NALCN: variants seen among roughly 807,000 people sequenced by gnomAD.
NALCN encodes the protein sodium leak channel, non-selective, also known as sodium leak channel NALCN.
A neutral mutation model predicts 225.3 loss-of-function variants in NALCN; 111 were observed. The observed-to-expected ratio is 0.49, with a 90% CI of 0.42 to 0.58. The LOEUF is 0.58. NALCN is among the 20% of genes least tolerant of loss of function. The pLI, the probability that NALCN is intolerant of heterozygous loss-of-function variation, is 0.00. For synonymous variants in NALCN, 764 were observed against 769.0 expected, an observed-to-expected ratio of 0.99 and a Z score of 0.11; for missense variants, 1,378 against 2,202.4, an observed-to-expected ratio of 0.63 and a Z score of 7.49.
chr13:101,294,936 A>T (rs1279566445), intron 7 of NALCN, among the ~76,000 whole-genome samples: 1 of 152,164 alleles, frequency 6.6e-6, no homozygotes, highest in Non-Finnish European at 1.5e-5. Flanking sequence ...AATCCATAGA[A>T]ACAGGACGTG....
chr13:101,399,922 T>C (rs1375155587), intron 1 of NALCN, among the ~76,000 whole-genome samples: 6 of 152,194 alleles, frequency 3.9e-5, no homozygotes, highest in African/African-American at 1.4e-4. Flanking sequence ...GGCTATTATA[T>C]GTCAGCCCTC....
At chr13:101,360,808 C>T (rs1263371254) in intron 6 of NALCN, among the ~76,000 whole-genome samples, 1 of 152,180 alleles carries the variant, frequency 6.6e-6, no homozygotes, top group African/African-American at 2.4e-5. Flanking sequence ...CTAATTACCT[C>T]TGGTGCTCCT....
intron 37 of NALCN, among the ~76,000 whole-genome samples, chr13:101,072,529 C>T (rs1291495361): frequency 1.3e-5 from 2 of 152,122 alleles, no homozygotes; most frequent in Admixed American, 6.6e-5. Flanking sequence ...TTCTATAATC[C>T]CAGCATTCTG....
chr13:101,191,603 G>C (rs571534108), intron 14 of NALCN, among the ~76,000 whole-genome samples: 1 of 152,282 alleles, frequency 6.6e-6, no homozygotes, highest in South Asian at 2.1e-4. Context: ...GTTCCGGTTT[G>C]ATCCTGAGAT....
At chr13:101,276,357 A>G (rs2042973763) in intron 10 of NALCN, among the ~76,000 whole-genome samples, 4 of 152,188 alleles carry the variant, frequency 2.6e-5, no homozygotes, top group Admixed American at 2.6e-4. Context: ...AATGTCCTAG[A>G]CAAATTAATA....
At chr13:101,329,638 T>C (rs4771392) in intron 7 of NALCN, among the ~76,000 whole-genome samples, 42,523 of 152,130 alleles carry the variant, frequency 0.28, 6,298 homozygotes, top group Non-Finnish European at 0.33. Context: ...GCTTAATTAA[T>C]AAAATGCATT....
intron 17 of NALCN, among the ~76,000 whole-genome samples, chr13:101,128,660 C>T (rs1178810279): frequency 3.3e-5 from 5 of 151,940 alleles, no homozygotes; most frequent in African/African-American, 9.7e-5. Flanking sequence ...TGGGCTGAAT[C>T]GATCCTCCTG....
chr13:101,184,753 A>G (rs1188340742), intron 14 of NALCN, among the ~76,000 whole-genome samples: 1 of 152,166 alleles, frequency 6.6e-6, no homozygotes, highest in African/African-American at 2.4e-5. Context: ...GTCATTCACA[A>G]TGGATTTTCT....
intron 3 of NALCN, among the ~76,000 whole-genome samples, chr13:101,394,238 C>G (rs1327204109): frequency 6.6e-6 from 1 of 152,156 alleles, no homozygotes; most frequent in Non-Finnish European, 1.5e-5. Flanking sequence ...AATGCATTGT[C>G]TGTGATCTCT....
intron 1 of NALCN, among the ~76,000 whole-genome samples, chr13:101,410,067 C>G (rs2047736040): frequency 6.6e-6 from 1 of 152,166 alleles, no homozygotes; most frequent in African/African-American, 2.4e-5. Flanking sequence ...TCAGCCAGCA[C>G]CTTGATCTTG....
rs980938563 is a variant in NALCN at position 101,089,515 on chromosome 13, G to A, written c.3489+148C>T. 6.7e-5 allele frequency: 44 copies of A among 655,050 alleles called. No homozygotes were observed. Among genetic ancestry groups the A allele is most frequent in the Non-Finnish European group, 1.0e-4 (39 of 385,290 alleles). The allele number at this position is 655,050 out of a possible 1,614,324, so 40.6% of individuals were successfully genotyped here. On this transcript the variant is annotated intron_variant, in intron 30 of 43. Coordinates refer to ENST00000251127, the MANE Select transcript of NALCN (RefSeq NM_052867.4). The surrounding 1 kb of genome is among the most constrained non-coding windows in gnomAD (Gnocchi z 4.7). ...ATGTGTCTGAAAAGCAGCAATGAGGGAGCTTGTAAAACAGTTATAGAGATT... is the reference window on the plus strand; with the variant it reads ...ATGTGTCTGAAAAGCAGCAATGAGGAAGCTTGTAAAACAGTTATAGAGATT...
At position 101,107,519 on chromosome 13, in the gene NALCN, A is replaced by T. The variant is rs2035192607; in HGVS notation, c.2547T>A (p.Phe849Leu). The change falls in exon 22 of 44, where the codon TTT (phenylalanine) becomes TTA (leucine). Residue 849 changes from phenylalanine (F) to leucine (L), a missense_variant. Around this residue, in one of 19 missense-constraint regions of NALCN, gnomAD observed 292 missense variants for 409.5 expected, o/e 0.71. Coordinates refer to ENST00000251127, the MANE Select transcript of NALCN (RefSeq NM_052867.4). ...AGCGTGCTCGGACCACCACCCGGCAAAAGTTTCTGAACCTGTGTTCTCGCC... is the reference window on the plus strand; with the variant it reads ...AGCGTGCTCGGACCACCACCCGGCATAAGTTTCTGAACCTGTGTTCTCGCC... ...IVGREHRFRNFCRVVVRARFN... is the reference protein window; with the variant it reads ...IVGREHRFRNLCRVVVRARFN... The T allele has an allele frequency of 6.2e-7, 1 of 1,614,042 alleles. No homozygotes were observed. The highest frequency in any genetic ancestry group is 1.3e-5 in the African/African-American group (1 of 74,946).
rs772501894 is a variant in NALCN at position 101,103,187 on chromosome 13, G to A, written c.3042C>T (p.Phe1014=). Reference sequence around the variant, plus strand: ...TCTCACATACCAAAAAAATTTCCTTGAAGCCGCTGAAAAGTTCTCGAACAA... The same window carrying A: ...TCTCACATACCAAAAAAATTTCCTTAAAGCCGCTGAAAAGTTCTCGAACAA... ...RKVVRELFSG[F]KEIFLVSILL... is the part of the protein sequence containing the mutation. The change falls in exon 26 of 44, where the codon TTC becomes TTT. Residue 1014 remains phenylalanine (F), a synonymous_variant. Transcript: ENST00000251127. The A allele has an allele frequency of 6.2e-7, 1 of 1,612,876 alleles. No individual in the cohort carries two copies. The highest frequency in any genetic ancestry group is 1.1e-5 in the South Asian group (1 of 90,810).
At chr13:101,272,605 T>G (rs113529657) in intron 10 of NALCN, among the ~76,000 whole-genome samples, 20 of 152,194 alleles carry the variant, frequency 1.3e-4, no homozygotes, top group African/African-American at 4.6e-4. Flanking sequence ...TCAAAAAATA[T>G]CAAAATACTG....
intron 17 of NALCN, among the ~76,000 whole-genome samples, chr13:101,140,400 A>G (rs1042935043): frequency 6.6e-6 from 1 of 152,156 alleles, no homozygotes; most frequent in South Asian, 2.1e-4. Context: ...CCTTTTAGAG[A>G]GAAAATAAAC....
chr13:101,086,519 C>T (rs1024824977), intron 30 of NALCN, among the ~76,000 whole-genome samples: 5 of 151,816 alleles, frequency 3.3e-5, no homozygotes, highest in African/African-American at 1.2e-4. Context: ...AGAAAACATT[C>T]TTACATTATC....
intron 7 of NALCN, among the ~76,000 whole-genome samples, chr13:101,341,678 A>C (rs2045563721): frequency 1.3e-5 from 2 of 152,170 alleles, no homozygotes; most frequent in African/African-American, 4.8e-5. Flanking sequence ...TCATCTTTGA[A>C]ATAAATTTTT....
At chr13:101,161,596 G>GT (rs2038186454) in intron 15 of NALCN, among the ~76,000 whole-genome samples, 1 of 152,216 alleles carries the variant, frequency 6.6e-6, no homozygotes, top group African/African-American at 2.4e-5. Flanking sequence ...GTTCTGGCTG[G>GT]TATGGTGGCT....
chr13:101,139,357 T>C (rs1475769868), intron 17 of NALCN, among the ~76,000 whole-genome samples: 4 of 152,182 alleles, frequency 2.6e-5, no homozygotes, highest in African/African-American at 9.6e-5. Context: ...CTCCCTGAAC[T>C]TGCAGTCTTC....
Sources: gnomAD v4.1 joint callset for allele counts (sites outside exome capture counted in the v4.1 genomes callset) on GRCh38, gnomAD v4.1.1 for gene constraint, gnomAD v4.1.1 regional missense constraint, Gnocchi (gnomAD v3.1) non-coding constraint, MANE v1.5 for transcripts, NCBI Gene and HGNC (gene_info 2026-07-23, HGNC 2026-07-21) for gene names.